Variants in CLYBL observed in about 807,000 individuals in gnomAD.
CLYBL encodes citramalyl-CoA lyase, also known as citramalyl-CoA lyase, mitochondrial.
A neutral mutation model predicts 38.9 loss-of-function variants in CLYBL; 31 were observed. The observed-to-expected ratio is 0.80, with a 90% CI of 0.60 to 1.08. The LOEUF is 1.08. Among genes scored for constraint, CLYBL ranks in the 50% least tolerant of loss-of-function variants. The pLI is 0.00. For synonymous variants in CLYBL, 171 were observed against 158.6 expected (o/e 1.08, Z -0.59); for missense variants, 434 against 411.6 (o/e 1.05, Z -0.47).
chr13:99,878,133 TA>T lies in CLYBL; in HGVS notation c.927+7080del, dbSNP rs948470117. Among the ~76,000 whole-genome samples the T allele has an allele frequency of 2.2e-4, 34 of 151,742 alleles. No homozygotes were observed. In the East Asian group the frequency reaches 4.4e-3, roughly 20 times the overall value. On this transcript the variant is annotated intron_variant, in intron 7 of 8. Coordinates refer to ENST00000339105, the MANE Select transcript of CLYBL (RefSeq NM_206808.5). Reference sequence around the variant, plus strand: ...CTGGTTTCCAAATTCCTGACAATGCTAAAAAAAAATTTATTAGATGTACTTT... The same window carrying T: ...CTGGTTTCCAAATTCCTGACAATGCTAAAAAAAATTTATTAGATGTACTTT...
intron 1 of CLYBL, among the ~76,000 whole-genome samples, chr13:99,684,098 T>G (rs1594118391): frequency 7.0e-6 from 1 of 142,942 alleles, no homozygotes; most frequent in Admixed American, 7.5e-5. Flanking sequence ...ACCAGGCTGG[T>G]CTTGAACTCC....
At chr13:99,706,669 T>A (rs1432349044) in intron 1 of CLYBL, among the ~76,000 whole-genome samples, 3 of 152,230 alleles carry the variant, frequency 2.0e-5, no homozygotes, top group Non-Finnish European at 4.4e-5. Context: ...ACAGTAGATC[T>A]ACATGTCCCT....
chr13:99,812,092 A>T (rs2050353942), intron 2 of CLYBL, among the ~76,000 whole-genome samples: 1 of 152,234 alleles, frequency 6.6e-6, no homozygotes, highest in Non-Finnish European at 1.5e-5. Flanking sequence ...AACTGCTGTG[A>T]GACTGAGACT....
intron 7 of CLYBL, among the ~76,000 whole-genome samples, chr13:99,888,485 C>T (rs1364890431): frequency 6.6e-6 from 1 of 152,074 alleles, no homozygotes; most frequent in Non-Finnish European, 1.5e-5. Flanking sequence ...CGCAGTGGCT[C>T]ACACCTGTAA....
chr13:99,862,907 A>AGACTT (rs10648017), intron 3 of CLYBL, 84 bp from the exon 4 acceptor site: 338,359 of 613,366 alleles, frequency 0.55, 96,835 homozygotes, highest in Middle Eastern at 0.66. Flanking sequence ...CTCAGGTCAA[A>AGACTT]GACTTAAATA....
In CLYBL at chr13:99,858,910, G is replaced by A. The variant is rs1233720298; in HGVS notation, c.299G>A (p.Gly100Asp). 6.2e-7 allele frequency: 1 copy of A among 1,613,878 alleles called. No individual in the cohort carries two copies. Among genetic ancestry groups the A allele is most frequent in the South Asian group, 1.1e-5 (1 of 91,040 alleles). The stretch of plus-strand genomic sequence containing the variant: ...AAAACTCTTGAAGACATTGATCTGG[G>A]CCCTACTGAAAAATGTGTGAGAGTC... Reference protein sequence around the residue: ...IVKTLEDIDLGPTEKCVRVNS... With the variant: ...IVKTLEDIDLDPTEKCVRVNS... Residue 100 changes from glycine (G) to aspartate (D), a missense_variant, in exon 3 of 9, where the codon GGC (glycine) becomes GAC (aspartate). Transcript: ENST00000339105.
In CLYBL at chr13:99,767,298, C is replaced by T. The variant is rs2049287879; in HGVS notation, c.63-5526C>T. On this transcript the variant is annotated intron_variant, in intron 1 of 8. Coordinates refer to ENST00000339105, the MANE Select transcript of CLYBL (RefSeq NM_206808.5). ...GAGGTCCTTCTGGTGATAATTTCAG[C>T]ACTGTATATTTGTTTTTATTTTTCT... Among the ~76,000 whole-genome samples, 4 of 152,052 alleles carry T rather than the reference C, an allele frequency of 2.6e-5. No homozygotes were observed. The South Asian group carries it at 8.3e-4, about 32-fold the overall frequency.
chr13:99,623,829 C>T (rs2046830725), intron 1 of CLYBL, among the ~76,000 whole-genome samples: 1 of 151,934 alleles, frequency 6.6e-6, no homozygotes, highest in South Asian at 2.1e-4. Context: ...CATGGTGGTG[C>T]ATACCTGTAA....
chr13:99,784,038 A>G (rs1318003802), intron 2 of CLYBL: 3 of 152,128 alleles, frequency 2.0e-5, no homozygotes, highest in African/African-American at 7.2e-5. Context: ...ATGAACCCAT[A>G]TGTATATTTT....
At chr13:99,862,648 C>T (rs986193237) in intron 3 of CLYBL, among the ~76,000 whole-genome samples, 1 of 152,150 alleles carries the variant, frequency 6.6e-6, no homozygotes, top group Non-Finnish European at 1.5e-5. Context: ...TAAGGGCCTA[C>T]CATTTGCATT....
intron 2 of CLYBL, among the ~76,000 whole-genome samples, chr13:99,835,052 A>T (rs1464471499): frequency 1.3e-5 from 2 of 151,992 alleles, no homozygotes; most frequent in African/African-American, 2.4e-5. Context: ...CAGTAAAAAG[A>T]TTGCCAAGTA....
intron 1 of CLYBL, among the ~76,000 whole-genome samples, chr13:99,658,588 G>T (rs1361307564): frequency 6.6e-6 from 1 of 152,208 alleles, no homozygotes; most frequent in Non-Finnish European, 1.5e-5. Context: ...CCTCCAGCCC[G>T]GCGACAGGCC....
intron 2 of CLYBL, among the ~76,000 whole-genome samples, chr13:99,797,005 A>G (rs2138919268): frequency 6.6e-6 from 1 of 152,306 alleles, no homozygotes; most frequent in African/African-American, 2.4e-5. Flanking sequence ...TATTCAGCAA[A>G]TATTTTATGA....
chr13:99,631,892 C>T (rs1566593601), intron 1 of CLYBL, among the ~76,000 whole-genome samples: 1 of 152,158 alleles, frequency 6.6e-6, no homozygotes, highest in Non-Finnish European at 1.5e-5. Flanking sequence ...TGAGCCACCG[C>T]ACCTGGCCAC....
intron 1 of CLYBL, among the ~76,000 whole-genome samples, chr13:99,674,901 G>T (rs555997612): frequency 6.1e-4 from 93 of 152,326 alleles, no homozygotes; most frequent in Non-Finnish European, 1.2e-3. Context: ...GGATGCAATG[G>T]TGCTTGTCTA....
At chr13:99,897,242 C>G (rs2052592452), downstream of CLYBL, 1 of 152,246 alleles carries the variant, frequency 6.6e-6, no homozygotes, top group East Asian at 1.9e-4. Context: ...CAGAGGCCTG[C>G]CTGAGGTCTG....
intron 1 of CLYBL, among the ~76,000 whole-genome samples, chr13:99,681,453 A>G (rs1382447880): frequency 6.6e-6 from 1 of 152,230 alleles, no homozygotes; most frequent in African/African-American, 2.4e-5. Flanking sequence ...ATCTGTATTT[A>G]TACATATGGA....
intron 1 of CLYBL, among the ~76,000 whole-genome samples, chr13:99,651,312 G>A (rs1204142323): frequency 2.6e-5 from 4 of 152,260 alleles, no homozygotes; most frequent in East Asian, 1.9e-4. Flanking sequence ...GGTGGCTCAC[G>A]CCTGTAATCC....
chr13:99,649,379 GC>G (rs2139295859), intron 1 of CLYBL, among the ~76,000 whole-genome samples: 1 of 152,276 alleles, frequency 6.6e-6, no homozygotes, highest in East Asian at 1.9e-4. Context: ...ATATACTGGT[GC>G]AGGTGCAGTT....
Sources: gnomAD v4.1 joint callset for allele counts (sites outside exome capture counted in the v4.1 genomes callset) on GRCh38, gnomAD v4.1.1 for gene constraint, MANE v1.5 for transcripts, NCBI Gene and HGNC (gene_info 2026-07-23, HGNC 2026-07-21) for gene names.